Variants in GPM6B observed in about 807,000 individuals in gnomAD.
The protein encoded by GPM6B is neuronal membrane glycoprotein M6-b.
In GPM6B, 4 loss-of-function variants were observed where a neutral mutation model predicts 27.2. The observed-to-expected ratio is 0.15, with a 90% confidence interval of 0.07 to 0.34. The LOEUF (loss-of-function observed/expected upper bound fraction) is 0.34, where lower values mean the gene tolerates loss of function less well. Ranked by LOEUF, GPM6B falls within the 10% of genes least tolerant of loss-of-function variation. The pLI is 1.00. For missense variants in GPM6B, 183 were observed against 261.9 expected (o/e 0.70, Z 2.08); for synonymous variants, 124 against 103.1 (o/e 1.20, Z -1.23).
intron 1 of GPM6B, among the ~76,000 whole-genome samples, chrX:13,898,177 G>A: frequency 9.0e-6 from 1 of 110,994 alleles, no homozygotes; most frequent in Admixed American, 9.7e-5. Context: ...GATATTCTGG[G>A]CCAGATAATT....
At chrX:13,829,653 C>T (rs750019863) in intron 1 of GPM6B, among the ~76,000 whole-genome samples, 1 of 110,991 alleles carries the variant, frequency 9.0e-6, no homozygotes, top group East Asian at 2.8e-4. Flanking sequence ...TAGCATGGTC[C>T]TCCCTGAGGA....
intron 1 of GPM6B, among the ~76,000 whole-genome samples, chrX:13,844,000 C>A (rs929337862): frequency 2.7e-5 from 3 of 112,040 alleles, no homozygotes; most frequent in African/African-American, 9.7e-5. Context: ...AGATTTACTC[C>A]TGTGTTTTCT....
intron 1 of GPM6B, among the ~76,000 whole-genome samples, chrX:13,830,757 T>C (rs73453251): frequency 0.035 from 3,972 of 112,167 alleles, 172 homozygotes; most frequent in African/African-American, 0.12. Context: ...AACAAAAATG[T>C]CTTGACAAAT....
chrX:13,881,768 C>T lies in GPM6B; in HGVS notation c.-198+56559G>A, dbSNP rs375019969. Among the ~76,000 whole-genome samples the T allele has an allele frequency of 3.4e-4, 5 of 14,812 alleles. No individual in the cohort carries two copies. The East Asian group carries it at 6.0e-3, about 18-fold the overall frequency. The allele number at this position is 14,812 out of a possible 115,157, so 12.9% of individuals were successfully genotyped here. A position where few individuals can be genotyped will look rare whatever the true frequency, so the allele number is the denominator to read the frequency against. The stretch of plus-strand genomic sequence containing the variant: ...TATTAGGTTGGCGCAAAAGCAATTG[C>T]GGCTTTAGCCATCAAAAGCAATGGC... On this transcript the variant is annotated intron_variant, in intron 1 of 6. Coordinates refer to the GPM6B transcript ENST00000398361.
At chrX:13,796,802 GAAGAT>G (rs1162877797) in intron 2 of GPM6B, among the ~76,000 whole-genome samples, 1 of 112,529 alleles carries the variant, frequency 8.9e-6, no homozygotes, top group East Asian at 2.8e-4. Context: ...GGTACTAGCA[GAAGAT>G]AAGCAAGTCA....
chrX:13,824,964 C>T (rs757707846), intron 1 of GPM6B, among the ~76,000 whole-genome samples: 88 of 111,919 alleles, frequency 7.9e-4, no homozygotes, highest in African/African-American at 2.8e-3. Context: ...GCCTGCAATC[C>T]TGACGTTCCT....
At chrX:13,813,720 G>A (rs185454385) in intron 1 of GPM6B, among the ~76,000 whole-genome samples, 60 of 111,849 alleles carry the variant, frequency 5.4e-4, no homozygotes, top group Admixed American at 4.1e-3. Context: ...AATGGAAACC[G>A]ACTCTCCATC....
chrX:13,818,513 G>T (rs1456161764), upstream of GPM6B, among the ~76,000 whole-genome samples: 1 of 112,233 alleles, frequency 8.9e-6, no homozygotes, highest in Non-Finnish European at 1.9e-5. Flanking sequence ...TGTTACAGTC[G>T]AGAAGATTTT....
chrX:13,899,721 G>A (rs138276762), intron 1 of GPM6B, among the ~76,000 whole-genome samples: 2,045 of 110,769 alleles, frequency 0.018, 47 homozygotes, highest in African/African-American at 0.065. Flanking sequence ...GTGGTGACTC[G>A]CAGCCCAGTC....
At chrX:13,785,461 T>C (rs1031136515) in intron 3 of GPM6B, among the ~76,000 whole-genome samples, 161 bp downstream of exon 3, 1 of 111,040 alleles carries the variant, frequency 9.0e-6, no homozygotes, top group African/African-American at 3.3e-5. Context: ...TTTTTTTTTG[T>C]ATTTTTAGTA....
chrX:13,797,756 G>A (rs1247146282), intron 2 of GPM6B, among the ~76,000 whole-genome samples: 1 of 111,526 alleles, frequency 9.0e-6, no homozygotes, highest in East Asian at 2.8e-4. Flanking sequence ...GTGGCAGAAT[G>A]GGTCTTCTGA....
At chrX:13,873,195 A>G (rs1002532465) in intron 1 of GPM6B, among the ~76,000 whole-genome samples, 2 of 109,761 alleles carry the variant, frequency 1.8e-5, no homozygotes, top group South Asian at 7.9e-4. Context: ...CAACCAGCAC[A>G]TTATCTTACT....
At position 13,843,873 on chromosome X, in the gene GPM6B, T is replaced by G. The variant is rs190196043; in HGVS notation, c.-197-58065A>C. On this transcript the variant is annotated intron_variant, in intron 1 of 6. Transcript: ENST00000398361. ...TCTGTGAGTTCTCTTTTTACTTTCT[T>G]GATGGTGTCCTTTGCAGCTCAATAG... Among the ~76,000 whole-genome samples the G allele has an allele frequency of 3.1e-3, 345 of 112,122 alleles. 1 individual carries two copies. The highest frequency in any genetic ancestry group is 4.1e-3 in the Non-Finnish European group (219 of 53,181).
At chrX:13,874,663 T>G (rs2050015340) in intron 1 of GPM6B, among the ~76,000 whole-genome samples, 2 of 111,066 alleles carry the variant, frequency 1.8e-5, no homozygotes, top group South Asian at 3.8e-4. Context: ...TGAGCTGAGA[T>G]CGTGCCACTG....
chrX:13,794,673 C>T (rs770982515), intron 2 of GPM6B, among the ~76,000 whole-genome samples: 3 of 111,973 alleles, frequency 2.7e-5, no homozygotes, highest in African/African-American at 3.2e-5. Context: ...CACTACCACG[C>T]GCTCGCAAGA....
intron 2 of GPM6B, among the ~76,000 whole-genome samples, chrX:13,793,678 A>G (rs1050424295): frequency 3.6e-5 from 4 of 112,233 alleles, no homozygotes; most frequent in African/African-American, 1.3e-4. Context: ...TTTCCTACAC[A>G]TTGGAATAAT....
chrX:13,902,742 C>T (rs1384270713), intron 1 of GPM6B, among the ~76,000 whole-genome samples: 1 of 111,554 alleles, frequency 9.0e-6, no homozygotes, highest in Non-Finnish European at 1.9e-5. Context: ...CAGAGAAGCC[C>T]ATCTCTCTTT....
intron 1 of GPM6B, among the ~76,000 whole-genome samples, chrX:13,881,090 AT>A (rs1483469300): frequency 8.9e-6 from 1 of 112,085 alleles, no homozygotes; most frequent in Admixed American, 9.4e-5. Flanking sequence ...TGTCTTGTTT[AT>A]TGCCTATTTC....
At chrX:13,845,865 A>G (rs1322919251) in intron 1 of GPM6B, among the ~76,000 whole-genome samples, 1 of 111,964 alleles carries the variant, frequency 8.9e-6, no homozygotes, top group Non-Finnish European at 1.9e-5. Context: ...CACACAGAAC[A>G]TGGTCAACCT....
Sources: allele counts gnomAD v4.1 joint callset (sites outside exome capture counted in the v4.1 genomes callset), GRCh38; gene constraint gnomAD v4.1.1; transcripts MANE v1.5; gene names NCBI Gene and HGNC (gene_info 2026-07-23, HGNC 2026-07-21).